R3HDM1: variants seen among roughly 807,000 people sequenced by gnomAD.
The protein encoded by R3HDM1 is R3H domain-containing protein 1.
In R3HDM1, 46 loss-of-function variants were observed where a neutral mutation model predicts 141.1. That is an observed-to-expected ratio of 0.33 (90% CI 0.26 to 0.42). R3HDM1 has a LOEUF of 0.42. Among genes scored for constraint, R3HDM1 ranks in the 10% least tolerant of loss-of-function variants. R3HDM1 has a pLI of 1.00. For synonymous variants in R3HDM1, 435 were observed against 472.9 expected (o/e 0.92, Z 1.04); for missense variants, 1,184 against 1,368.3 (o/e 0.87, Z 2.12).
chr2:135,671,967 C>G (rs972098029), intron 19 of R3HDM1, among the ~76,000 whole-genome samples: 1 of 150,548 alleles, frequency 6.6e-6, no homozygotes, highest in Admixed American at 6.6e-5. Context: ...TAGAGTGAGA[C>G]TCTGTCTCAA....
intron 21 of R3HDM1, among the ~76,000 whole-genome samples, chr2:135,703,027 A>G (rs2074442709): frequency 6.6e-6 from 1 of 152,200 alleles, no homozygotes; most frequent in Admixed American, 6.5e-5. Flanking sequence ...GCTGGTCAGA[A>G]TATGCCCCAT....
chr2:135,577,472 A>G (rs1192809987), intron 1 of R3HDM1, among the ~76,000 whole-genome samples: 1 of 150,596 alleles, frequency 6.6e-6, no homozygotes, highest in Non-Finnish European at 1.5e-5. Flanking sequence ...AAGACCTGAT[A>G]GAAAAAATGG....
At chr2:135,549,986 A>G in intron 1 of R3HDM1, 1 of 968,302 alleles carries the variant, frequency 1.0e-6, no homozygotes, top group Non-Finnish European at 1.2e-6. Context: ...TCTTTGGTAA[A>G]GATTATTGTC....
chr2:135,550,106 A>G, intron 1 of R3HDM1: 2 of 984,502 alleles, frequency 2.0e-6, no homozygotes, highest in Non-Finnish European at 2.4e-6. Flanking sequence ...TGTTAAGTCC[A>G]TATGATAAAT....
Position 135,724,473 on chromosome 2 carries a change from CA to C in R3HDM1, c.*182del, listed in dbSNP as rs2076999782. 2 of 539,052 alleles carry C rather than the reference CA, an allele frequency of 3.7e-6. No homozygotes were observed. Among genetic ancestry groups the C allele is most frequent in the Non-Finnish European group, 6.5e-6 (2 of 307,320 alleles). The allele number at this position is 539,052 out of a possible 1,614,324, so 33.4% of individuals were successfully genotyped here. On this transcript the variant is annotated 3_prime_UTR_variant, in exon 27 of 27. Transcript: ENST00000683871. ...GGGGAAAAATATGCATTTCACCCCACATGACTAGGAATCCACATCAGAATGA... is the reference window on the plus strand; with the variant it reads ...GGGGAAAAATATGCATTTCACCCCACTGACTAGGAATCCACATCAGAATGA...
rs1559073981 is a variant in R3HDM1, at chr2:135,535,545, T to TAA, written c.-250+3912_-250+3913insAA. 1.0e-3 allele frequency among the ~76,000 whole-genome samples: 139 copies of TAA among 134,354 alleles called. 1 individual carries two copies. Among genetic ancestry groups the TAA allele is most frequent in the African/African-American group, 4.8e-3 (128 of 26,870 alleles). 88.1% of individuals were successfully genotyped at this position (134,354 alleles called of 152,430 possible). A position where few individuals can be genotyped will look rare whatever the true frequency, so the allele number is the denominator to read the frequency against. ...AAATAAATAAATAAATAAATAAATATGAGATGGCTGTTGTGAAGAGAAGGA... is the reference window on the plus strand; with the variant it reads ...AAATAAATAAATAAATAAATAAATATAAGAGATGGCTGTTGTGAAGAGAAGGA... On this transcript the variant is annotated intron_variant, in intron 1 of 26. Transcript: ENST00000683871.
Position 135,588,352 on chromosome 2 carries a change from G to A in R3HDM1, c.-249-14148G>A, listed in dbSNP as rs146911007. 1.5e-4 allele frequency among the ~76,000 whole-genome samples: 23 copies of A among 151,334 alleles called. No individual in the cohort carries two copies. In the South Asian group the frequency reaches 2.5e-3, roughly 17 times the overall value. The stretch of plus-strand genomic sequence containing the variant: ...CACCTCTTTCAGTCTCTCTGCCTCC[G>A]TCCTTCCCTCTCTTGGCACTCTGCT... On this transcript the variant is annotated intron_variant, in intron 1 of 26. Coordinates refer to ENST00000683871, the MANE Select transcript of R3HDM1 (RefSeq NM_001378107.1).
intron 1 of R3HDM1, among the ~76,000 whole-genome samples, chr2:135,576,155 T>C (rs1237387282): frequency 6.6e-6 from 1 of 152,034 alleles, no homozygotes; most frequent in Non-Finnish European, 1.5e-5. Context: ...CCTAGCACAA[T>C]GGGAGGGCAA....
Position 135,641,532 on chromosome 2 carries a change from C to G in R3HDM1, c.1220-4C>G. 6.3e-7 allele frequency: 1 copy of G among 1,594,768 alleles called. No individual in the cohort carries two copies. Among genetic ancestry groups the G allele is most frequent in the Non-Finnish European group, 8.5e-7 (1 of 1,174,300 alleles). ...ATCCATATTTTTCATTACTCCTCTT[C>G]TAGGTTCTGAGTCTTCTGGTAGTGT... On this transcript the variant is annotated splice_polypyrimidine_tract_variant and splice_region_variant and intron_variant, in intron 14 of 26. Transcript: ENST00000683871.
At chr2:135,707,017 C>A (rs904668007) in intron 21 of R3HDM1, among the ~76,000 whole-genome samples, 2 of 152,008 alleles carry the variant, frequency 1.3e-5, no homozygotes, top group East Asian at 1.9e-4. Flanking sequence ...CTGACCCCCC[C>A]ACCTCCCTCC....
intron 1 of R3HDM1, among the ~76,000 whole-genome samples, chr2:135,578,065 A>G (rs1298571912): frequency 6.6e-6 from 1 of 152,130 alleles, no homozygotes; most frequent in African/African-American, 2.4e-5. Flanking sequence ...AATCTTCTCT[A>G]AAGAAGTTTA....
chr2:135,648,996 G>C (rs957325644), intron 16 of R3HDM1: 11 of 151,338 alleles, frequency 7.3e-5, no homozygotes, highest in African/African-American at 2.7e-4. Flanking sequence ...GCATGTGTCT[G>C]TATGTATATA....
intron 5 of R3HDM1, among the ~76,000 whole-genome samples, chr2:135,619,190 G>A (rs1181984737): frequency 1.3e-5 from 2 of 152,136 alleles, no homozygotes; most frequent in Non-Finnish European, 1.5e-5. Flanking sequence ...AAGAGATTGA[G>A]GAAAGAAGGG....
At chr2:135,540,430 A>G (rs937687644) in intron 1 of R3HDM1, among the ~76,000 whole-genome samples, 1 of 152,150 alleles carries the variant, frequency 6.6e-6, no homozygotes, top group African/African-American at 2.4e-5. Flanking sequence ...ATGAATCACA[A>G]ATATTCTTTT....
chr2:135,693,147 TATA>T (rs757844010), intron 21 of R3HDM1, among the ~76,000 whole-genome samples: 1 of 152,210 alleles, frequency 6.6e-6, no homozygotes, highest in African/African-American at 2.4e-5. Flanking sequence ...AAATTCAAAA[TATA>T]ATAATGAGCA....
At chr2:135,691,067 T>C (rs2105379598) in intron 21 of R3HDM1, among the ~76,000 whole-genome samples, 1 of 152,328 alleles carries the variant, frequency 6.6e-6, no homozygotes, top group South Asian at 2.1e-4. Flanking sequence ...ATTAAAACAG[T>C]CTTTCCTCTA....
rs750923209 is a variant in R3HDM1 at position 135,721,982 on chromosome 2, G to A, written c.2940G>A (p.Leu980=). 2 of 1,613,662 alleles carry A rather than the reference G, an allele frequency of 1.2e-6. No homozygotes were observed. ...TGCAGTACAATCCTCCTGCTGTTCT[G>A]CACGGACACATTCCAAACCAACAGG... ...QPLQYNPPAV[L]HGHIPNQQGQ... Residue 980 remains leucine, a synonymous_variant, in exon 25 of 27, where the codon CTG becomes CTA. Transcript: ENST00000683871.
At chr2:135,600,808 T>G (rs2059566075) in intron 1 of R3HDM1, among the ~76,000 whole-genome samples, 1 of 152,220 alleles carries the variant, frequency 6.6e-6, no homozygotes, top group African/African-American at 2.4e-5. Context: ...GTCATTTGAC[T>G]TCTAGGCAAT....
At chr2:135,564,949 T>C (rs2104972121) in intron 1 of R3HDM1, among the ~76,000 whole-genome samples, 1 of 152,334 alleles carries the variant, frequency 6.6e-6, no homozygotes, top group East Asian at 1.9e-4. Flanking sequence ...ATACTGTACA[T>C]ACCATTTTAT....
Sources: gnomAD v4.1 joint callset for allele counts (sites outside exome capture counted in the v4.1 genomes callset) on GRCh38, gnomAD v4.1.1 for gene constraint, MANE v1.5 for transcripts, NCBI Gene and HGNC (gene_info 2026-07-23, HGNC 2026-07-21) for gene names.